Variants in TNPO1 observed in about 807,000 individuals in gnomAD.
TNPO1 encodes transportin 1.
Under a neutral mutation model 119.5 loss-of-function variants are expected in TNPO1, and 8 were observed. The observed-to-expected ratio is 0.07, with a 90% CI of 0.04 to 0.12. TNPO1 has a LOEUF of 0.12. Among genes scored for constraint, TNPO1 ranks in the 10% least tolerant of loss-of-function variants. The pLI is 1.00. For missense variants in TNPO1, 576 were observed against 1,089.8 expected, an observed-to-expected ratio of 0.53 and a Z score of 6.64; for synonymous variants, 362 against 363.0, an observed-to-expected ratio of 1.00 and a Z score of 0.03.
At chr5:72,886,356 A>G (rs1250421428) in intron 11 of TNPO1, among the ~76,000 whole-genome samples, 1 of 152,190 alleles carries the variant, frequency 6.6e-6, no homozygotes, top group Non-Finnish European at 1.5e-5. Flanking sequence ...TCTAGATGAT[A>G]TACTGCTGGA....
chr5:72,828,724 A>AT (rs11463711), intron 1 of TNPO1, among the ~76,000 whole-genome samples: 131,194 of 151,890 alleles, frequency 0.86, 56,832 homozygotes, highest in Middle Eastern at 0.96. Flanking sequence ...CTTTTGTAGC[A>AT]TTTTTTTTCT....
intron 19 of TNPO1, 55 bp from the exon 20 acceptor site, chr5:72,897,001 A>G (rs1456315224): frequency 8.2e-6 from 9 of 1,100,202 alleles, no homozygotes; most frequent in Non-Finnish European, 1.2e-5. Context: ...TCACATTGAT[A>G]TTTTAACGTT....
At chr5:72,855,743 A>C (rs1745945584) in intron 3 of TNPO1, 31 bp from the exon 4 acceptor site, 1 of 1,553,654 alleles carries the variant, frequency 6.4e-7, no homozygotes, top group African/African-American at 1.4e-5. Flanking sequence ...AGACTACTTC[A>C]AAACTCATTA....
chr5:72,877,045 A>C (rs142650289), intron 8 of TNPO1, among the ~76,000 whole-genome samples, 183 bp from the exon 9 acceptor site: 59 of 144,374 alleles, frequency 4.1e-4, no homozygotes, highest in African/African-American at 1.5e-3. Flanking sequence ...CAGTGAGCCG[A>C]GTTCACGCCA....
chr5:72,898,404 A>G (rs894502395), intron 20 of TNPO1, among the ~76,000 whole-genome samples: 2 of 152,144 alleles, frequency 1.3e-5, no homozygotes, highest in Non-Finnish European at 2.9e-5. Flanking sequence ...ATTATATCCT[A>G]CATAAATAAG....
intron 24 of TNPO1, 138 bp downstream of exon 24, chr5:72,905,583 T>C: frequency 2.3e-6 from 1 of 443,080 alleles, no homozygotes; most frequent in Non-Finnish European, 4.0e-6. Context: ...TCATTCTATC[T>C]TGGGCTTTAA....
At chr5:72,861,007 G>A (rs1484164206) in intron 4 of TNPO1, among the ~76,000 whole-genome samples, 2 of 151,854 alleles carry the variant, frequency 1.3e-5, no homozygotes, top group Non-Finnish European at 2.9e-5. Flanking sequence ...CCGCCTCCCG[G>A]GTTCAAGCGA....
At chr5:72,855,231 C>T (rs1745896262) in intron 3 of TNPO1, among the ~76,000 whole-genome samples, 1 of 151,294 alleles carries the variant, frequency 6.6e-6, no homozygotes, top group Admixed American at 6.6e-5. Flanking sequence ...CCTGGCCTTC[C>T]AAAGTGCTGG....
At chr5:72,868,431 CAAAAAAAA>C (rs200691585) in intron 6 of TNPO1, among the ~76,000 whole-genome samples, 101 of 27,068 alleles carry the variant, frequency 3.7e-3, no homozygotes, top group Admixed American at 6.4e-3. Flanking sequence ...GACTCCGTCT[CAAAAAAAA>C]AAAAAAAAAA....
At chr5:72,875,804 C>A in intron 8 of TNPO1, 67 bp downstream of exon 8, 6 of 1,518,950 alleles carry the variant, frequency 4.0e-6, no homozygotes, top group Non-Finnish European at 5.4e-6. Context: ...ATAGAAAATA[C>A]AACATACCGG....
At chr5:72,861,289 T>C (rs1256799670) in intron 4 of TNPO1, among the ~76,000 whole-genome samples, 1 of 152,184 alleles carries the variant, frequency 6.6e-6, no homozygotes, top group Non-Finnish European at 1.5e-5. Flanking sequence ...ACTTGGTAAA[T>C]TTAACTCAAA....
chr5:72,866,980 G>A (rs371083469), intron 6 of TNPO1, among the ~76,000 whole-genome samples: 3 of 151,932 alleles, frequency 2.0e-5, no homozygotes, highest in Admixed American at 6.6e-5. Flanking sequence ...TTAGAGACCA[G>A]CCTACGCAAC....
chr5:72,873,559 A>G (rs1681466589), intron 7 of TNPO1, among the ~76,000 whole-genome samples: 1 of 152,104 alleles, frequency 6.6e-6, no homozygotes. Flanking sequence ...TGTCTTAAAT[A>G]GTTTTACTGA....
chr5:72,889,951 C>T lies in TNPO1; in HGVS notation c.1695C>T (p.Asn565=). ...TLADSVGHHL[N]KPEYIQMLMP... ...CAGATTCAGTAGGACATCATTTAAA[C>T]AAACCAGTAAGTATCTGTTAAGAAC... Residue 565 remains asparagine, a synonymous_variant, in exon 14 of 25, where the codon AAC becomes AAT. Coordinates refer to ENST00000337273, the MANE Select transcript of TNPO1 (RefSeq NM_002270.4). 1 of 1,612,986 alleles carries T rather than the reference C, an allele frequency of 6.2e-7. No homozygotes were observed. Among genetic ancestry groups the T allele is most frequent in the Non-Finnish European group, 8.5e-7 (1 of 1,179,616 alleles).
At chr5:72,891,295 T>G (rs1332541928) in intron 14 of TNPO1, among the ~76,000 whole-genome samples, 1 of 152,020 alleles carries the variant, frequency 6.6e-6, no homozygotes, top group Non-Finnish European at 1.5e-5. Flanking sequence ...TGAAACCCTG[T>G]CTCTTTAAAA....
At chr5:72,882,975 C>A in intron 10 of TNPO1, 89 bp from the exon 11 acceptor site, 1 of 907,974 alleles carries the variant, frequency 1.1e-6, no homozygotes, top group Non-Finnish European at 1.8e-6. Flanking sequence ...TGCATGACCC[C>A]ATCTCTGGAT....
intron 7 of TNPO1, among the ~76,000 whole-genome samples, chr5:72,874,691 G>A (rs1580436176): frequency 6.6e-6 from 1 of 152,134 alleles, no homozygotes; most frequent in Non-Finnish European, 1.5e-5. Flanking sequence ...CCATTTGATC[G>A]TTGAATTTCT....
chr5:72,848,119 G>A, intron 1 of TNPO1: 1 of 1,150,286 alleles, frequency 8.7e-7, no homozygotes, highest in East Asian at 4.9e-5. Context: ...CAAATTCGCG[G>A]TGACTCAGTC....
chr5:72,819,583 C>G (rs1208114496), intron 1 of TNPO1, among the ~76,000 whole-genome samples: 2 of 152,146 alleles, frequency 1.3e-5, no homozygotes, highest in East Asian at 3.8e-4. Context: ...GTGGCTACAT[C>G]TTAATCCAAA....
Sources: gnomAD v4.1 joint callset for allele counts (sites outside exome capture counted in the v4.1 genomes callset) on GRCh38, gnomAD v4.1.1 for gene constraint, MANE v1.5 for transcripts, NCBI Gene and HGNC (gene_info 2026-07-23, HGNC 2026-07-21) for gene names.